The following ANKRD36 variants were observed in gnomAD, a reference collection of about 807,000 sequenced individuals.
The protein encoded by ANKRD36 is ankyrin repeat domain 36.
ANKRD36 carries 179 observed loss-of-function variants against 278.1 expected under a neutral mutation model. That is an observed-to-expected ratio of 0.64 (90% CI 0.57 to 0.73). ANKRD36 has a LOEUF of 0.73. ANKRD36 is among the 30% of genes least tolerant of loss of function. The pLI, the probability that ANKRD36 is intolerant of heterozygous loss-of-function variation, is 0.00. For synonymous variants in ANKRD36, 320 were observed against 641.1 expected (o/e 0.50, Z 7.57); for missense variants, 1,159 against 1,956.7 (o/e 0.59, Z 7.69).
intron 4 of ANKRD36, among the ~76,000 whole-genome samples, chr2:97,123,973 A>G (rs545884134): frequency 1.4e-5 from 2 of 147,438 alleles, no homozygotes; most frequent in South Asian, 4.2e-4. Context: ...ATATATATAT[A>G]TAGTGTTTAA....
At chr2:97,191,224 A>G in intron 36 of ANKRD36, 43 bp downstream of exon 36, 1 of 1,518,958 alleles carries the variant, frequency 6.6e-7, no homozygotes, top group Non-Finnish European at 8.9e-7. Flanking sequence ...CAGTCCAGAT[A>G]GATAAGAATT....
intron 66 of ANKRD36, 60 bp downstream of exon 66, chr2:97,219,306 T>C: frequency 7.2e-7 from 1 of 1,389,110 alleles, no homozygotes; most frequent in East Asian, 2.6e-5. Flanking sequence ...TTTGTAATGC[T>C]CATAGTCTTT....
intron 6 of ANKRD36, among the ~76,000 whole-genome samples, chr2:97,137,894 A>G (rs1222728193): frequency 6.6e-6 from 1 of 152,124 alleles, no homozygotes; most frequent in Non-Finnish European, 1.5e-5. Context: ...TGTTGGCTGC[A>G]TAAATGTATT....
intron 56 of ANKRD36, among the ~76,000 whole-genome samples, chr2:97,210,777 A>G (rs1448493466): frequency 3.3e-5 from 5 of 151,884 alleles, no homozygotes; most frequent in African/African-American, 4.8e-5. Flanking sequence ...TGATTTCTGA[A>G]TGAAAAACTG....
chr2:97,137,911 A>C (rs764402071), intron 6 of ANKRD36, among the ~76,000 whole-genome samples: 4 of 152,064 alleles, frequency 2.6e-5, no homozygotes, highest in African/African-American at 4.8e-5. Context: ...TATTCTTTTG[A>C]GAAGTGTCTG....
chr2:97,161,611 A>G (rs1462244039), intron 17 of ANKRD36, among the ~76,000 whole-genome samples: 2 of 152,138 alleles, frequency 1.3e-5, no homozygotes, highest in Non-Finnish European at 2.9e-5. Context: ...CTAGCATAAC[A>G]CTTATTTTGC....
chr2:97,177,603 C>G, intron 22 of ANKRD36, among the ~76,000 whole-genome samples: 1 of 151,904 alleles, frequency 6.6e-6, no homozygotes, highest in Non-Finnish European at 1.5e-5. Flanking sequence ...AAAAATGGTG[C>G]TGGGAAAACT....
In ANKRD36 at chr2:97,113,192, C is replaced by A. The variant is rs1279932127; in HGVS notation, c.-548C>A. On this transcript the variant is annotated 5_prime_UTR_variant, in exon 1 of 76. It adds an upstream start codon to the 5' untranslated region. Transcript: ENST00000420699. ...TGCAGTGCCGCCTACAAGTGGTGCGCTGGCTGCAGCTGTGGCAACCCCGGA... is the reference window on the plus strand; with the variant it reads ...TGCAGTGCCGCCTACAAGTGGTGCGATGGCTGCAGCTGTGGCAACCCCGGA... 6.6e-6 allele frequency among the ~76,000 whole-genome samples: 1 copy of A among 152,012 alleles called. No individual in the cohort carries two copies. Among genetic ancestry groups the A allele is most frequent in the Non-Finnish European group, 1.5e-5 (1 of 67,980 alleles).
rs570503547 is a variant in ANKRD36, at chr2:97,190,751, C to T, written c.2246-227C>T. On this transcript the variant is annotated intron_variant, in intron 34 of 75. Coordinates refer to ENST00000420699, the MANE Select transcript of ANKRD36 (RefSeq NM_001354587.1). ...TTTTATTTTAGTTTTCGACATATGA[C>T]GAATCATACCATGTTTGAAACTGTA... 4.0e-5 allele frequency among the ~76,000 whole-genome samples: 6 copies of T among 151,658 alleles called. No homozygotes were observed. The East Asian group carries it at 9.9e-4, about 25-fold the overall frequency.
chr2:97,209,288 TC>T (rs1421490214), intron 54 of ANKRD36, among the ~76,000 whole-genome samples: 5 of 146,404 alleles, frequency 3.4e-5, no homozygotes, highest in Non-Finnish European at 7.4e-5. Context: ...ATGGTGTAAA[TC>T]CTTTTGATTT....
intron 36 of ANKRD36, among the ~76,000 whole-genome samples, chr2:97,191,607 C>T (rs1263309648): frequency 6.6e-6 from 1 of 151,632 alleles, no homozygotes; most frequent in African/African-American, 2.4e-5. Context: ...ACGGAGACCC[C>T]TCCTGTAGCA....
At chr2:97,188,042 A>C (rs1416280072) in intron 32 of ANKRD36, among the ~76,000 whole-genome samples, 2 of 151,726 alleles carry the variant, frequency 1.3e-5, no homozygotes, top group African/African-American at 4.8e-5. Context: ...TAGAATTGGG[A>C]TAAAGCACAC....
intron 18 of ANKRD36, chr2:97,163,970 C>CCT (rs2049941289): frequency 1.9e-6 from 1 of 521,302 alleles, no homozygotes; most frequent in Non-Finnish European, 2.6e-6. Context: ...TTGACGTCAT[C>CCT]TTTTTTGGCT....
In ANKRD36 at chr2:97,113,735, C is replaced by T; in HGVS notation, c.-5C>T. 3.1e-6 allele frequency: 5 copies of T among 1,610,796 alleles called. No individual in the cohort carries two copies. Among genetic ancestry groups the T allele is most frequent in the Non-Finnish European group, 4.2e-6 (5 of 1,179,404 alleles). The stretch of plus-strand genomic sequence containing the variant: ...GCTGCAGGCTACAATTTGCAGCCGA[C>T]GATTATGGAAGACGGCAAGCGGGAG... On this transcript the variant is annotated 5_prime_UTR_variant, in exon 1 of 76. In the 5' UTR this introduces an upstream ATG that the reference lacks. Transcript: ENST00000420699.
chr2:97,143,158 A>G (rs2043350232), intron 8 of ANKRD36, among the ~76,000 whole-genome samples: 2 of 152,006 alleles, frequency 1.3e-5, no homozygotes, highest in Non-Finnish European at 2.9e-5. Context: ...GAAAGAGATT[A>G]AGTAATAAAA....
chr2:97,144,824 C>G, intron 10 of ANKRD36, 112 bp downstream of exon 10: 1 of 1,352,452 alleles, frequency 7.4e-7, no homozygotes, highest in Non-Finnish European at 1.0e-6. Flanking sequence ...TTCAGCGGGC[C>G]TGAGATTCTG....
At chr2:97,215,710 T>A in intron 62 of ANKRD36, 2 of 1,398,338 alleles carry the variant, frequency 1.4e-6, no homozygotes, top group Non-Finnish European at 2.0e-6. Context: ...TACATTGAAA[T>A]TGGGAAGAAG....
In ANKRD36 at chr2:97,129,947, A is replaced by G. The variant is rs573127774; in HGVS notation, c.799+2813A>G. Among the ~76,000 whole-genome samples, 763 of 152,066 alleles carry G rather than the reference A, an allele frequency of 5.0e-3. 7 individuals are homozygous for G. Among genetic ancestry groups the G allele is most frequent in the African/African-American group, 0.017 (718 of 41,504 alleles). ...TCTTTTGGCTTAGGATTGACTTGGCAATGCGGGCTCTTTTTTCGTTCCATA... is the reference window on the plus strand; with the variant it reads ...TCTTTTGGCTTAGGATTGACTTGGCGATGCGGGCTCTTTTTTCGTTCCATA... On this transcript the variant is annotated intron_variant, in intron 6 of 75. Transcript: ENST00000420699.
At chr2:97,149,170 A>G in intron 11 of ANKRD36, 125 bp from the exon 12 acceptor site, 1 of 735,274 alleles carries the variant, frequency 1.4e-6, no homozygotes. Flanking sequence ...CATGCAGATA[A>G]CTGAGTTTCC....
Sources: allele counts gnomAD v4.1 joint callset (sites outside exome capture counted in the v4.1 genomes callset), GRCh38; gene constraint gnomAD v4.1.1; transcripts MANE v1.5; gene names NCBI Gene and HGNC (gene_info 2026-07-23, HGNC 2026-07-21).